The following SH3BGRL2 variants were observed in gnomAD, a reference collection of about 807,000 sequenced individuals.
SH3BGRL2 encodes SH3 domain-binding glutamic acid-rich-like protein 2.
In SH3BGRL2, 21 loss-of-function variants were observed where a neutral mutation model predicts 14.8. The ratio of observed to expected loss-of-function variants is 1.42; its 90% CI spans 1.01 to 2.05. The LOEUF (loss-of-function observed/expected upper bound fraction) is 2.05, where lower values mean the gene tolerates loss of function less well. Ranked by LOEUF, SH3BGRL2 falls within the 30% of genes most tolerant of loss-of-function variation. The pLI is 0.00. For missense variants in SH3BGRL2, 147 were observed against 130.8 expected, an observed-to-expected ratio of 1.12 and a Z score of -0.61; for synonymous variants, 50 against 47.8, an observed-to-expected ratio of 1.05 and a Z score of -0.19.
the SH3BGRL2 span, among the ~76,000 whole-genome samples, chr6:79,599,279 ATACTT>A: frequency 1.3e-5 from 2 of 152,160 alleles, no homozygotes; most frequent in African/African-American, 4.8e-5. Flanking sequence ...ACTATGGAAA[ATACTT>A]TAGCAACAAC....
intron 2 of SH3BGRL2, among the ~76,000 whole-genome samples, chr6:79,694,770 A>G (rs1221278883): frequency 2.0e-5 from 3 of 152,084 alleles, no homozygotes; most frequent in East Asian, 1.9e-4. Context: ...TCCACAACCA[A>G]GTATGATCAC....
chr6:79,701,970 G>A lies in SH3BGRL2; in HGVS notation c.*2461G>A, dbSNP rs1032333896. The A allele has an allele frequency of 1.3e-4, 20 of 152,670 alleles. No homozygotes were observed. The highest frequency in any genetic ancestry group is 4.1e-4 in the African/African-American group (17 of 41,540). The allele number at this position is 152,670 out of a possible 1,614,324, so 9.5% of individuals were successfully genotyped here. ...GACAGAATTTTTATTTCCTGTAGTA[G>A]GCTTGCTGGAGCAAAGGAAATGTGC... On this transcript the variant is annotated 3_prime_UTR_variant, in exon 4 of 4. Coordinates refer to ENST00000369838, the MANE Select transcript of SH3BGRL2 (RefSeq NM_031469.4).
the SH3BGRL2 span, among the ~76,000 whole-genome samples, chr6:79,620,623 G>A: frequency 6.6e-6 from 1 of 151,912 alleles, no homozygotes; most frequent in Non-Finnish European, 1.5e-5. Flanking sequence ...TGAAAAAAAG[G>A]GGAAGGGGTC....
chr6:79,551,926 C>T, the SH3BGRL2 span, among the ~76,000 whole-genome samples: 5 of 152,148 alleles, frequency 3.3e-5, no homozygotes, highest in Admixed American at 2.0e-4. Context: ...CCTGTCTCTA[C>T]GAAAAATACC....
At chr6:79,585,765 GC>G in the SH3BGRL2 span, among the ~76,000 whole-genome samples, 1 of 141,236 alleles carries the variant, frequency 7.1e-6, no homozygotes, top group African/African-American at 2.6e-5. Flanking sequence ...TTACTTTTTT[GC>G]TTTTTTTTTT....
chr6:79,628,794 C>G (rs1582707976), upstream of SH3BGRL2, among the ~76,000 whole-genome samples: 1 of 152,108 alleles, frequency 6.6e-6, no homozygotes, highest in Non-Finnish European at 1.5e-5. Flanking sequence ...CTGATTATAT[C>G]CTTCTGTTCC....
the SH3BGRL2 span, among the ~76,000 whole-genome samples, chr6:79,581,041 G>A: frequency 6.6e-5 from 10 of 152,228 alleles, no homozygotes; most frequent in East Asian, 1.7e-3. Flanking sequence ...AAATCTACAA[G>A]AAATGGATAA....
At chr6:79,631,190 C>A (rs1768814876), upstream of SH3BGRL2, 1 of 365,374 alleles carries the variant, frequency 2.7e-6, no homozygotes, top group Non-Finnish European at 4.9e-6. Flanking sequence ...GCTCAGTCCA[C>A]CAGCCACTCC....
chr6:79,612,847 C>T, the SH3BGRL2 span, among the ~76,000 whole-genome samples: 1 of 152,208 alleles, frequency 6.6e-6, no homozygotes, highest in Admixed American at 6.5e-5. Flanking sequence ...CAGAACCAGA[C>T]TATGTCTACT....
rs889372027 is a variant in SH3BGRL2 at position 79,671,733 on chromosome 6, C to G, written c.46-1881C>G. On this transcript the variant is annotated intron_variant, in intron 1 of 3. Coordinates refer to ENST00000369838, the MANE Select transcript of SH3BGRL2 (RefSeq NM_031469.4). ...AGCCTCTCTGTTACCTGGGCCCCGC[C>G]CAGTAGGCTGATGTGTTTCTCTAAG... Among the ~76,000 whole-genome samples the G allele has an allele frequency of 9.2e-5, 14 of 152,312 alleles. No homozygotes were observed. In the South Asian group the frequency reaches 2.3e-3, roughly 25 times the overall value.
At chr6:79,572,593 G>GTA in the SH3BGRL2 span, among the ~76,000 whole-genome samples, 3 of 152,232 alleles carry the variant, frequency 2.0e-5, no homozygotes, top group African/African-American at 7.2e-5. Flanking sequence ...AGGCTCCCGA[G>GTA]GAGCTGGGAG....
At chr6:79,680,139 T>C (rs1030593040) in intron 2 of SH3BGRL2, among the ~76,000 whole-genome samples, 1 of 152,214 alleles carries the variant, frequency 6.6e-6, no homozygotes, top group South Asian at 2.1e-4. Flanking sequence ...TGGTATCATA[T>C]CCAGAAAATC....
At chr6:79,665,178 C>A (rs1769632688) in intron 1 of SH3BGRL2, among the ~76,000 whole-genome samples, 1 of 152,144 alleles carries the variant, frequency 6.6e-6, no homozygotes. Flanking sequence ...CCAGCCTGGG[C>A]AACAGAGCGA....
intron 1 of SH3BGRL2, among the ~76,000 whole-genome samples, chr6:79,668,167 A>G (rs766625632): frequency 2.6e-5 from 4 of 152,156 alleles, no homozygotes; most frequent in Non-Finnish European, 4.4e-5. Context: ...GCTTAATTAT[A>G]TAAGTTAACT....
the SH3BGRL2 span, among the ~76,000 whole-genome samples, chr6:79,579,814 G>A: frequency 5.3e-5 from 8 of 152,182 alleles, no homozygotes; most frequent in Admixed American, 3.3e-4. Context: ...AACCTTAAAT[G>A]TAAATGGGCT....
chr6:79,582,343 A>G, the SH3BGRL2 span, among the ~76,000 whole-genome samples: 19 of 152,212 alleles, frequency 1.2e-4, no homozygotes, highest in African/African-American at 4.3e-4. Flanking sequence ...TCCTAAGCAA[A>G]AAGAACAAAA....
intron 1 of SH3BGRL2, among the ~76,000 whole-genome samples, chr6:79,662,864 TA>T (rs984617239): frequency 2.6e-5 from 4 of 152,198 alleles, no homozygotes; most frequent in African/African-American, 9.7e-5. Flanking sequence ...CTTTTTTGTC[TA>T]AACTTGTCTT....
the SH3BGRL2 span, among the ~76,000 whole-genome samples, chr6:79,582,579 C>T: frequency 6.6e-6 from 1 of 152,146 alleles, no homozygotes; most frequent in Non-Finnish European, 1.5e-5. Flanking sequence ...AACTGACTAG[C>T]CATATGTAGA....
the SH3BGRL2 span, among the ~76,000 whole-genome samples, chr6:79,606,648 A>T: frequency 2.0e-5 from 3 of 152,170 alleles, no homozygotes; most frequent in Non-Finnish European, 2.9e-5. Flanking sequence ...CCACATTCCT[A>T]CTTGATACAG....
Sources: gnomAD v4.1 joint callset for allele counts (sites outside exome capture counted in the v4.1 genomes callset) on GRCh38, gnomAD v4.1.1 for gene constraint, MANE v1.5 for transcripts, NCBI Gene and HGNC (gene_info 2026-07-23, HGNC 2026-07-21) for gene names.